The following GPHN variants were observed in gnomAD, a reference collection of about 807,000 sequenced individuals.
The protein encoded by GPHN is gephyrin.
GPHN carries 17 observed loss-of-function variants against 95.5 expected under a neutral mutation model. The observed-to-expected ratio is 0.18, with a 90% CI of 0.12 to 0.27. The LOEUF (loss-of-function observed/expected upper bound fraction) is 0.27. Ranked by LOEUF, GPHN falls within the 10% of genes least tolerant of loss-of-function variation. The pLI is 1.00. For synonymous variants in GPHN, 320 were observed against 322.5 expected (o/e 0.99, Z 0.08); for missense variants, 660 against 978.1 (o/e 0.67, Z 4.34).
chr14:66,984,987 A>G (rs2070920878), intron 9 of GPHN, among the ~76,000 whole-genome samples: 1 of 152,146 alleles, frequency 6.6e-6, no homozygotes. Context: ...GAAATGAGTT[A>G]TTTTAAAAAA....
the GPHN span, among the ~76,000 whole-genome samples, chr14:67,258,337 C>T: frequency 3.9e-5 from 6 of 152,112 alleles, no homozygotes; most frequent in Admixed American, 6.5e-5. Flanking sequence ...GAGTTCGAGA[C>T]TAGTCTGGGC....
chr14:67,130,120 C>A (rs2079609809), intron 17 of GPHN, among the ~76,000 whole-genome samples: 1 of 151,738 alleles, frequency 6.6e-6, no homozygotes, highest in Admixed American at 6.6e-5. Flanking sequence ...ATATTTTCTA[C>A]TTTTTAAATT....
chr14:66,597,446 G>T (rs1207118545), intron 1 of GPHN, among the ~76,000 whole-genome samples: 2 of 152,184 alleles, frequency 1.3e-5, no homozygotes, highest in Non-Finnish European at 2.9e-5. Context: ...TGGAGCTGGC[G>T]TATCAGCACT....
At chr14:67,579,069 A>T in the GPHN span, 1 of 1,164,324 alleles carries the variant, frequency 8.6e-7, no homozygotes, top group African/African-American at 1.5e-5. Flanking sequence ...CTAGATAGGG[A>T]TCCGGGGTGC....
chr14:67,309,559 G>A, the GPHN span, among the ~76,000 whole-genome samples: 1 of 152,172 alleles, frequency 6.6e-6, no homozygotes, highest in East Asian at 1.9e-4. Context: ...TTCCAAGCCA[G>A]TTAAATTAGA....
At chr14:67,204,799 G>T in the GPHN span, 1 of 1,613,970 alleles carries the variant, frequency 6.2e-7, no homozygotes, top group Non-Finnish European at 8.5e-7. Context: ...TGTGACGGAT[G>T]TCACCACGTT....
At chr14:67,095,678 G>A (rs1198223897) in intron 12 of GPHN, among the ~76,000 whole-genome samples, 3 of 151,698 alleles carry the variant, frequency 2.0e-5, no homozygotes, top group African/African-American at 7.3e-5. Flanking sequence ...CTATCGCAAG[G>A]ACAAAAAACC....
At chr14:67,461,649 GA>G in the GPHN span, among the ~76,000 whole-genome samples, 108 of 142,022 alleles carry the variant, frequency 7.6e-4, no homozygotes, top group Middle Eastern at 3.6e-3. Context: ...GTCATAGGAA[GA>G]AAAAAAAAAA....
At chr14:67,221,017 C>G in the GPHN span, among the ~76,000 whole-genome samples, 1 of 151,976 alleles carries the variant, frequency 6.6e-6, no homozygotes, top group African/African-American at 2.4e-5. Flanking sequence ...GAAAATGTGT[C>G]AAGAAATAAG....
At chr14:67,298,891 C>T in the GPHN span, among the ~76,000 whole-genome samples, 1 of 152,128 alleles carries the variant, frequency 6.6e-6, no homozygotes, top group Admixed American at 6.5e-5. Flanking sequence ...ACAAATTTGT[C>T]ATTTGTGGAC....
chr14:66,827,685 C>G lies in GPHN; in HGVS notation c.294+3119C>G, dbSNP rs181822823. On this transcript the variant is annotated intron_variant, in intron 4 of 22. Coordinates refer to ENST00000478722, the MANE Select transcript of GPHN (RefSeq NM_020806.5). ...GTAATACCAGATAGACAACTATAGC[C>G]TTTTACTTGTTTTGAAGTATGTCCA... 1.5e-4 allele frequency among the ~76,000 whole-genome samples: 23 copies of G among 152,086 alleles called. No homozygotes were observed. In the East Asian group the frequency reaches 4.3e-3, roughly 28 times the overall value.
At chr14:66,676,480 T>C (rs1234858649) in intron 1 of GPHN, among the ~76,000 whole-genome samples, 1 of 152,098 alleles carries the variant, frequency 6.6e-6, no homozygotes, top group Non-Finnish European at 1.5e-5. Flanking sequence ...GTATAATCTT[T>C]CTATACTTAA....
the GPHN span, chr14:67,561,858 A>T: frequency 5.7e-6 from 5 of 884,772 alleles, no homozygotes; most frequent in Admixed American, 2.4e-5. Flanking sequence ...CAACAGAGCA[A>T]GACCCTGTCT....
chr14:67,328,139 C>G, the GPHN span, among the ~76,000 whole-genome samples: 1 of 152,196 alleles, frequency 6.6e-6, no homozygotes, highest in Non-Finnish European at 1.5e-5. Context: ...TCCTCTCCAG[C>G]ACCTGTTGTT....
At chr14:67,238,783 A>G in the GPHN span, among the ~76,000 whole-genome samples, 4 of 152,002 alleles carry the variant, frequency 2.6e-5, no homozygotes, top group African/African-American at 9.7e-5. Flanking sequence ...AGCTGGGATT[A>G]TAAGCACACA....
At chr14:66,700,522 C>G (rs1595600955) in intron 2 of GPHN, among the ~76,000 whole-genome samples, 1 of 152,184 alleles carries the variant, frequency 6.6e-6, no homozygotes, top group South Asian at 2.1e-4. Context: ...AATTATTGGT[C>G]TGGGACAACT....
At chr14:67,146,990 G>A (rs998200492) in intron 18 of GPHN, among the ~76,000 whole-genome samples, 10 of 152,148 alleles carry the variant, frequency 6.6e-5, no homozygotes, top group Non-Finnish European at 1.3e-4. Flanking sequence ...CCAAGATGGC[G>A]CCACTGCACT....
At chr14:67,559,172 C>A in the GPHN span, among the ~76,000 whole-genome samples, 1 of 152,190 alleles carries the variant, frequency 6.6e-6, no homozygotes, top group Admixed American at 6.5e-5. Context: ...ATGGAAATAC[C>A]TCAGTTATCT....
the GPHN span, chr14:67,600,236 C>G: frequency 6.6e-7 from 1 of 1,507,354 alleles, no homozygotes; most frequent in East Asian, 2.5e-5. Flanking sequence ...CACCGCGCGG[C>G]GCTGCACTGC....
Sources: gnomAD v4.1 joint callset for allele counts (sites outside exome capture counted in the v4.1 genomes callset) on GRCh38, gnomAD v4.1.1 for gene constraint, MANE v1.5 for transcripts, NCBI Gene and HGNC (gene_info 2026-07-23, HGNC 2026-07-21) for gene names.